Variants in NSD1 observed in about 807,000 individuals in gnomAD.
The protein encoded by NSD1 is histone-lysine N-methyltransferase, H3 lysine-36 specific.
NSD1 carries 26 observed loss-of-function variants against 242.7 expected under a neutral mutation model. That is an observed-to-expected ratio of 0.11 (90% CI 0.08 to 0.15). The LOEUF (loss-of-function observed/expected upper bound fraction) is 0.15. Among genes scored for constraint, NSD1 ranks in the 10% least tolerant of loss-of-function variants. The probability of loss-of-function intolerance (pLI) is 1.00; values close to 1 mark genes in which losing one functional copy is unlikely to be tolerated. For synonymous variants in NSD1, 1,106 were observed against 1,178.1 expected, an observed-to-expected ratio of 0.94 and a Z score of 1.25; for missense variants, 2,495 against 3,272.8, an observed-to-expected ratio of 0.76 and a Z score of 5.80.
Position 177,135,488 on chromosome 5 carries a change from G to T in NSD1, c.385G>T (p.Glu129Ter). 1.2e-6 allele frequency: 2 copies of T among 1,614,152 alleles called. No homozygotes were observed. The highest frequency in any genetic ancestry group is 1.7e-6 in the Non-Finnish European group (2 of 1,180,038). ...GGPTALAMKQ[E>*]PSCNNSPELQ... ...TCCTACAGCACTTGCTATGAAACAG[G>T]AACCCTCTTGTAATAACTCCCCTGA... is the stretch of plus-strand genomic sequence containing the variant. The change falls in exon 2 of 23, where the codon GAA becomes TAA. Residue 129 changes from glutamate to a stop codon, truncating the protein, a stop_gained. Coordinates refer to ENST00000439151, the MANE Select transcript of NSD1 (RefSeq NM_022455.5). LOFTEE classifies it high-confidence loss of function.
At chr5:177,192,136 T>C (rs1001233575) in intron 3 of NSD1, 117 bp downstream of exon 3, 55 of 875,232 alleles carry the variant, frequency 6.3e-5, no homozygotes, top group Non-Finnish European at 5.8e-5. Flanking sequence ...TGAATTGGTG[T>C]TACATATTTT....
intron 2 of NSD1, among the ~76,000 whole-genome samples, chr5:177,142,240 GTCAA>G (rs1444067212): frequency 6.6e-6 from 1 of 152,104 alleles, no homozygotes; most frequent in East Asian, 1.9e-4. Flanking sequence ...AAACCTTGCA[GTCAA>G]TCATTTAAAT....
chr5:177,293,725 G>C (rs1760040522), intron 22 of NSD1, 107 bp from the exon 23 acceptor site: 5 of 1,228,340 alleles, frequency 4.1e-6, no homozygotes, highest in Non-Finnish European at 5.9e-6. Flanking sequence ...AGCAGGGACA[G>C]TGTGAAGGAA....
Position 177,295,216 on chromosome 5 carries a change from G to A in NSD1, c.7848G>A (p.Lys2616=). The part of the protein sequence containing the change: ...APASLPTEEK[K]LVTTEQSPWA... ...CCTCCCTCCCCACTGAAGAAAAGAA[G>A]TTGGTAACCACAGAGCAAAGTCCCT... Residue 2616 remains lysine, a synonymous_variant, in exon 23 of 23, where the codon AAG becomes AAA. Coordinates refer to ENST00000439151, the MANE Select transcript of NSD1 (RefSeq NM_022455.5). This position sits in a 1 kb window ranked among gnomAD's most constrained non-coding sequence, Gnocchi z 4.3. 1 of 1,614,244 alleles carries A rather than the reference G, an allele frequency of 6.2e-7. No homozygotes were observed. The highest frequency in any genetic ancestry group is 8.5e-7 in the Non-Finnish European group (1 of 1,180,034).
upstream of NSD1, among the ~76,000 whole-genome samples, chr5:177,132,081 T>C (rs945602506): frequency 1.1e-4 from 16 of 152,116 alleles, no homozygotes; most frequent in African/African-American, 3.9e-4. This position sits in a 1 kb window ranked among gnomAD's most constrained non-coding sequence, Gnocchi z 7.5. Context: ...CGCCACGCGG[T>C]CGTGCTAGAT....
At chr5:177,202,472 AG>A (rs908950433) in intron 3 of NSD1, among the ~76,000 whole-genome samples, 3 of 151,982 alleles carry the variant, frequency 2.0e-5, no homozygotes, top group African/African-American at 7.3e-5. Context: ...TTGACCTTTG[AG>A]GATGAAGTGA....
chr5:177,232,170 GT>G (rs1213544302), intron 5 of NSD1, among the ~76,000 whole-genome samples: 1 of 152,100 alleles, frequency 6.6e-6, no homozygotes, highest in East Asian at 1.9e-4. Flanking sequence ...TGCCTTTTAT[GT>G]TTTTTGATAA....
chr5:177,165,965 G>A (rs1052482117), intron 2 of NSD1, among the ~76,000 whole-genome samples: 8 of 145,328 alleles, frequency 5.5e-5, no homozygotes, highest in East Asian at 2.1e-4. Context: ...GCTGGAGTGC[G>A]GTGGCGCAAT....
chr5:177,138,581 G>T (rs201785889), intron 2 of NSD1, among the ~76,000 whole-genome samples: 1 of 151,758 alleles, frequency 6.6e-6, no homozygotes, highest in Non-Finnish European at 1.5e-5. Context: ...TAGGAATTTG[G>T]TTCAAAGTTG....
At chr5:177,293,632 C>T (rs1760029857) in intron 22 of NSD1, among the ~76,000 whole-genome samples, 200 bp from the exon 23 acceptor site, 1 of 144,776 alleles carries the variant, frequency 6.9e-6, no homozygotes, top group African/African-American at 2.6e-5. Context: ...TGATAATTCG[C>T]TGTTACTTTA....
chr5:177,185,875 TTAA>T (rs1280547004), intron 2 of NSD1, among the ~76,000 whole-genome samples: 2 of 90,366 alleles, frequency 2.2e-5, no homozygotes, highest in Non-Finnish European at 3.9e-5. Flanking sequence ...ATTTATATAA[TTAA>T]TATATATAAT....
Position 177,293,814 on chromosome 5 carries a change from T to G in NSD1, c.6464-18T>G, listed in dbSNP as rs1760052058. 1 of 1,613,882 alleles carries G rather than the reference T, an allele frequency of 6.2e-7. No individual in the cohort carries two copies. Among genetic ancestry groups the G allele is most frequent in the Non-Finnish European group, 8.5e-7 (1 of 1,179,932 alleles). On this transcript the variant is annotated intron_variant, in intron 22 of 22. Coordinates refer to ENST00000439151, the MANE Select transcript of NSD1 (RefSeq NM_022455.5). ...ATCTCTTTTTTCCTAAACTTTTGAT[T>G]TACTTCTGTGTTTTCAGGGAAATGG...
chr5:177,265,818 A>C (rs969165486), intron 14 of NSD1: 1 of 1,395,934 alleles, frequency 7.2e-7, no homozygotes, highest in African/African-American at 1.4e-5. Context: ...CAGTGCGTAA[A>C]CTCGATGTTG....
intron 17 of NSD1, among the ~76,000 whole-genome samples, chr5:177,280,311 A>G (rs1404186640): frequency 6.7e-6 from 1 of 149,436 alleles, no homozygotes; most frequent in Non-Finnish European, 1.5e-5. Flanking sequence ...ATCTCAACAT[A>G]TCGGCCAGGC....
intron 2 of NSD1, among the ~76,000 whole-genome samples, chr5:177,173,505 C>G (rs1474941870): frequency 1.3e-4 from 15 of 113,648 alleles, no homozygotes; most frequent in Non-Finnish European, 5.1e-5. Flanking sequence ...CGGAGTTTCA[C>G]TCTTGTTGCC....
chr5:177,207,593 A>ATTTTTTTTTTTTTTTTTTTTTTTTTT lies in NSD1; in HGVS notation c.1237-2039_1237-2014dup, dbSNP rs150492535. ...CACCGTGCCTGGCCTATTTATTTAAATTTTTTTTTTTTTTTTTTTTTTTTT... is the reference window on the plus strand; with the variant it reads ...CACCGTGCCTGGCCTATTTATTTAAATTTTTTTTTTTTTTTTTTTTTTTTTTTTTTTTTTTTTTTTTTTTTTTTTTT... On this transcript the variant is annotated intron_variant, in intron 4 of 22. Coordinates refer to ENST00000439151, the MANE Select transcript of NSD1 (RefSeq NM_022455.5). 2.0e-4 allele frequency among the ~76,000 whole-genome samples: 16 copies of ATTTTTTTTTTTTTTTTTTTTTTTTTT among 78,218 alleles called. 1 individual carries two copies. Among genetic ancestry groups the ATTTTTTTTTTTTTTTTTTTTTTTTTT allele is most frequent in the African/African-American group, 1.1e-3 (16 of 14,182 alleles). 51.3% of individuals were successfully genotyped at this position (78,218 alleles called of 152,430 possible).
At chr5:177,200,877 G>T (rs1378191270) in intron 3 of NSD1, among the ~76,000 whole-genome samples, 3 of 151,464 alleles carry the variant, frequency 2.0e-5, no homozygotes, top group Non-Finnish European at 2.9e-5. Context: ...TATAAACATT[G>T]TATAGTATCT....
In NSD1 at chr5:177,135,683, A is replaced by G; in HGVS notation, c.580A>G (p.Asn194Asp). The G allele has an allele frequency of 1.9e-6, 3 of 1,614,226 alleles. No individual in the cohort carries two copies. Among genetic ancestry groups the G allele is most frequent in the Non-Finnish European group, 2.5e-6 (3 of 1,180,044 alleles). ...FEETQTNATC[N>D]YETKSENGVK... ...GGAAACTCAGACCAATGCCACCTGC[A>G]ATTATGAGACTAAATCAGAGAATGG... is the stretch of plus-strand genomic sequence containing the variant. Residue 194 changes from asparagine (N) to aspartate (D), a missense_variant, in exon 2 of 23, where the codon AAT (asparagine) becomes GAT (aspartate). Physicochemically the swap from Asn to Asp is conservative, Grantham distance 23. Transcript: ENST00000439151.
rs1361796691 is a variant in NSD1, at chr5:177,248,241, G to A, written c.4558G>A (p.Glu1520Lys). The A allele has an allele frequency of 1.2e-6, 2 of 1,614,054 alleles. No individual in the cohort carries two copies. Among genetic ancestry groups the A allele is most frequent in the Admixed American group, 3.3e-5 (2 of 59,980 alleles). ...CAAGGAGACTGTTGAGGAAGGTGTA[G>A]AACACGATCCCGGGATGCCTGCCTC... Reference protein sequence around the residue: ...SPKETVEEGVEHDPGMPASKK... With the variant: ...SPKETVEEGVKHDPGMPASKK... The change falls in exon 11 of 23, where the codon GAA becomes AAA. Residue 1520 changes from glutamate (E) to lysine (K), a missense_variant. Physicochemically the swap from Glu to Lys is moderately conservative, Grantham distance 56. Around this residue, in one of 19 missense-constraint regions of NSD1, gnomAD observed 97 missense variants for 97.7 expected, o/e 0.99. Transcript: ENST00000439151.
Sources: gnomAD v4.1 joint callset for allele counts (sites outside exome capture counted in the v4.1 genomes callset) on GRCh38, gnomAD v4.1.1 for gene constraint, gnomAD v4.1.1 regional missense constraint, Gnocchi (gnomAD v3.1) non-coding constraint, MANE v1.5 for transcripts, NCBI Gene and HGNC (gene_info 2026-07-23, HGNC 2026-07-21) for gene names.